The following DNASE1 variants were observed in gnomAD, a reference collection of about 807,000 sequenced individuals.
DNASE1 encodes deoxyribonuclease 1, also known as deoxyribonuclease-1.
DNASE1 carries 40 observed loss-of-function variants against 33.9 expected under a neutral mutation model. That is an observed-to-expected ratio of 1.18 (90% CI 0.92 to 1.54). The LOEUF (loss-of-function observed/expected upper bound fraction) is 1.54, where lower values mean the gene tolerates loss of function less well. Ranked by LOEUF, DNASE1 falls within the 40% of genes most tolerant of loss-of-function variation. The pLI is 0.00. For synonymous variants in DNASE1, 216 were observed against 160.0 expected (o/e 1.35, Z -2.64); for missense variants, 518 against 372.6 (o/e 1.39, Z -3.21).
At position 3,620,869 on chromosome 16, in the gene DNASE1, C is replaced by T. The variant is rs568756946; in HGVS notation, c.-1359+8863C>T. 3.3e-5 allele frequency among the ~76,000 whole-genome samples: 5 copies of T among 152,032 alleles called. No individual in the cohort carries two copies. In the East Asian group the frequency reaches 5.8e-4, roughly 18 times the overall value. ...AGGCTGGAGTGCAGTGGCGCAATGC[C>T]GGCTCACTGCAACCTCCGCTCCCCA... On this transcript the variant is annotated intron_variant and NMD_transcript_variant, in intron 1 of 11. Transcript: ENST00000570769.
At chr16:3,637,208 C>T (rs2041895525) in intron 1 of DNASE1, among the ~76,000 whole-genome samples, 1 of 152,174 alleles carries the variant, frequency 6.6e-6, no homozygotes, top group African/African-American at 2.4e-5. Flanking sequence ...AGGCGTTAGG[C>T]TCTGTCTGCT....
At chr16:3,634,040 G>A (rs1254689786) in intron 1 of DNASE1, among the ~76,000 whole-genome samples, 1 of 151,782 alleles carries the variant, frequency 6.6e-6, no homozygotes, top group Admixed American at 6.6e-5. Flanking sequence ...TCGATCTCCT[G>A]ACCTCGTGAT....
Position 3,664,526 on chromosome 16 carries a change from G to C in DNASE1, c.*6573G>C, listed in dbSNP as rs182494840. The C allele has an allele frequency of 1.3e-5, 20 of 1,507,254 alleles. No homozygotes were observed. The Admixed American group carries it at 4.7e-4, about 35-fold the overall frequency. The allele number at this position is 1,507,254 out of a possible 1,614,324, so 93.4% of individuals were successfully genotyped here. On this transcript the variant is annotated 3_prime_UTR_variant, in exon 10 of 10. Coordinates refer to the DNASE1 transcript ENST00000407479. ...GGGCTCAATGTTGCCCAACTAACTG[G>C]GCGCAAACCCTCCGATGCCCATGGC...
chr16:3,634,740 C>T (rs770914563), intron 1 of DNASE1, among the ~76,000 whole-genome samples: 6 of 151,696 alleles, frequency 4.0e-5, no homozygotes, highest in South Asian at 2.1e-4. Flanking sequence ...ATCTTGAACT[C>T]CTGGTCTTAA....
chr16:3,649,106 A>G (rs987876218), intron 1 of DNASE1, among the ~76,000 whole-genome samples: 9 of 152,218 alleles, frequency 5.9e-5, no homozygotes, highest in Admixed American at 5.9e-4. Context: ...TGTTTTGGCA[A>G]GAACTCTCCT....
At chr16:3,648,957 G>A (rs2042251384) in intron 1 of DNASE1, among the ~76,000 whole-genome samples, 1 of 152,036 alleles carries the variant, frequency 6.6e-6, no homozygotes, top group Non-Finnish European at 1.5e-5. Context: ...GAAATCTATT[G>A]ATGAGCCTGT....
chr16:3,612,154 A>C (rs2151144800), intron 1 of DNASE1: 1 of 152,658 alleles, frequency 6.6e-6, no homozygotes, highest in South Asian at 2.1e-4. Flanking sequence ...GGGGAAAGGT[A>C]GCAGAGGTTT....
chr16:3,614,154 T>C (rs749771335), intron 1 of DNASE1, among the ~76,000 whole-genome samples: 2 of 152,108 alleles, frequency 1.3e-5, no homozygotes, highest in Non-Finnish European at 2.9e-5. Flanking sequence ...CCTCGTGATC[T>C]GCCCGCCTTG....
intron 1 of DNASE1, among the ~76,000 whole-genome samples, chr16:3,627,937 CAAAAAAA>C (rs55920324): frequency 2.1e-4 from 17 of 80,402 alleles, no homozygotes; most frequent in Non-Finnish European, 3.3e-4. Context: ...TCTATTTCTG[CAAAAAAA>C]AAAAAAAAAA....
chr16:3,662,936 C>T (rs768294282), downstream of DNASE1: 4 of 1,612,704 alleles, frequency 2.5e-6, no homozygotes, highest in South Asian at 2.2e-5. Flanking sequence ...CCATGAGCTC[C>T]TCCGTCTCCT....
exon 10 of DNASE1, chr16:3,663,314 C>G: frequency 6.9e-7 from 1 of 1,454,452 alleles, no homozygotes; most frequent in Non-Finnish European, 9.3e-7. Flanking sequence ...TCGGGGGTGG[C>G]TGAGCCCAGG....
chr16:3,662,245 A>C, downstream of DNASE1: 6 of 1,324,850 alleles, frequency 4.5e-6, no homozygotes, highest in Non-Finnish European at 6.2e-6. Flanking sequence ...GCGGGGTCTC[A>C]AGGACTCCCC....
At chr16:3,624,248 G>A (rs574520894) in intron 1 of DNASE1, among the ~76,000 whole-genome samples, 1 of 149,150 alleles carries the variant, frequency 6.7e-6, no homozygotes, top group South Asian at 2.1e-4. Flanking sequence ...CAGCCTGGGC[G>A]ACAGAGTGAG....
At position 3,656,697 on chromosome 16, in the gene DNASE1, G is replaced by C; in HGVS notation, c.380G>C (p.Gly127Ala). The change falls in exon 5 of 9, where the codon GGG (glycine) becomes GCG (alanine). Residue 127 changes from glycine (G) to alanine (A), a missense_variant. Gly to Ala is a moderately conservative substitution (Grantham distance 60). Coordinates refer to ENST00000246949, the MANE Select transcript of DNASE1 (RefSeq NM_005223.4). ...YYYDDGCEPC[G>A]NDTFNREPAI... Reference sequence around the variant, plus strand: ...TACGATGATGGCTGCGAGCCCTGCGGGAACGACACCTTCAACCGAGAGCCA... The same window carrying C: ...TACGATGATGGCTGCGAGCCCTGCGCGAACGACACCTTCAACCGAGAGCCA... 1 of 1,613,396 alleles carries C rather than the reference G, an allele frequency of 6.2e-7. No individual in the cohort carries two copies. Among genetic ancestry groups the C allele is most frequent in the Non-Finnish European group, 8.5e-7 (1 of 1,179,728 alleles).
intron 1 of DNASE1, among the ~76,000 whole-genome samples, chr16:3,616,849 T>C (rs2041121100): frequency 6.6e-6 from 1 of 152,122 alleles, no homozygotes; most frequent in African/African-American, 2.4e-5. Flanking sequence ...CCCTTATATT[T>C]ATGAGCAATT....
chr16:3,625,242 G>A (rs2041470420), intron 1 of DNASE1, among the ~76,000 whole-genome samples: 1 of 152,162 alleles, frequency 6.6e-6, no homozygotes, highest in Admixed American at 6.5e-5. Context: ...GGAGGCAGGG[G>A]TTACAGTGAG....
exon 10 of DNASE1, chr16:3,663,153 A>C (rs1367554137): frequency 4.8e-5 from 32 of 660,780 alleles, no homozygotes. Context: ...AGGCCCATAC[A>C]ACTTGGTTAG....
At chr16:3,663,446 C>T in exon 10 of DNASE1, 2 of 1,613,552 alleles carry the variant, frequency 1.2e-6, no homozygotes, top group Non-Finnish European at 1.7e-6. Flanking sequence ...CCTCAAACTT[C>T]TCCTCCTTGT....
chr16:3,632,115 C>T (rs762718090), intron 1 of DNASE1, among the ~76,000 whole-genome samples: 3 of 152,076 alleles, frequency 2.0e-5, no homozygotes, highest in East Asian at 1.9e-4. Flanking sequence ...TCTGCTAAGG[C>T]GTGTTTTATG....
Sources: gnomAD v4.1 joint callset for allele counts (sites outside exome capture counted in the v4.1 genomes callset) on GRCh38, gnomAD v4.1.1 for gene constraint, MANE v1.5 for transcripts, NCBI Gene and HGNC (gene_info 2026-07-23, HGNC 2026-07-21) for gene names.